Variants in DYNC2H1 observed in about 807,000 individuals in gnomAD.
DYNC2H1 encodes dynein cytoplasmic 2 heavy chain 1.
DYNC2H1 carries 410 observed loss-of-function variants against 570.0 expected under a neutral mutation model. The ratio of observed to expected loss-of-function variants is 0.72; its 90% CI spans 0.66 to 0.78. DYNC2H1 has a LOEUF of 0.78. Among genes scored for constraint, DYNC2H1 ranks in the 30% least tolerant of loss-of-function variants. The pLI is 0.00. For missense variants in DYNC2H1, 4,865 were observed against 5,046.4 expected (o/e 0.96, Z 1.09); for synonymous variants, 1,688 against 1,677.6 (o/e 1.01, Z -0.15).
At chr11:103,303,999 T>C (rs114389102) in intron 76 of DYNC2H1, among the ~76,000 whole-genome samples, 2,047 of 152,202 alleles carry the variant, frequency 0.013, 43 homozygotes, top group African/African-American at 0.043. Context: ...ATTTTTTTTT[T>C]CCCTGAGGTA....
chr11:103,203,598 A>T lies in DYNC2H1; in HGVS notation c.8198-65A>T. The T allele has an allele frequency of 9.5e-7, 1 of 1,057,012 alleles. No homozygotes were observed. The highest frequency in any genetic ancestry group is 1.3e-6 in the Non-Finnish European group (1 of 741,234). The allele number at this position is 1,057,012 out of a possible 1,614,324, so 65.5% of individuals were successfully genotyped here. On this transcript the variant is annotated intron_variant, in intron 50 of 88. Transcript: ENST00000375735. The surrounding 1 kb of genome is among the most constrained non-coding windows in gnomAD (Gnocchi z 4.7). ...AAGATTGAATAAGAGCAGATTTTTAAATACAAAAATTGAAAAAGCATCATT... is the reference window on the plus strand; with the variant it reads ...AAGATTGAATAAGAGCAGATTTTTATATACAAAAATTGAAAAAGCATCATT...
At chr11:103,361,547 T>C (rs139240250) in intron 83 of DYNC2H1, among the ~76,000 whole-genome samples, 1 of 152,032 alleles carries the variant, frequency 6.6e-6, no homozygotes, top group Non-Finnish European at 1.5e-5. Flanking sequence ...ATAGGTAGAG[T>C]GGGTATGATC....
intron 83 of DYNC2H1, among the ~76,000 whole-genome samples, chr11:103,392,581 C>G (rs1181850963): frequency 6.6e-6 from 1 of 152,208 alleles, no homozygotes; most frequent in African/African-American, 2.4e-5. Context: ...GTCGCTCACG[C>G]TGGGAGCTTT....
intron 84 of DYNC2H1, among the ~76,000 whole-genome samples, chr11:103,426,125 G>A (rs1356238598): frequency 6.6e-6 from 1 of 152,140 alleles, no homozygotes; most frequent in Non-Finnish European, 1.5e-5. Flanking sequence ...TTAAAGACAT[G>A]TTCCTGCTGC....
rs1054713454 is a variant in DYNC2H1 at position 103,455,997 on chromosome 11, G to A, written c.12567-278G>A. On this transcript the variant is annotated intron_variant, in intron 86 of 88. Coordinates refer to ENST00000375735, the MANE Select transcript of DYNC2H1 (RefSeq NM_001377.3). ...AATAAACATTTATTGAACACCCATCGTGTGCCTGCATTTGAGGGTCATGGT... is the reference window on the plus strand; with the variant it reads ...AATAAACATTTATTGAACACCCATCATGTGCCTGCATTTGAGGGTCATGGT... Among the ~76,000 whole-genome samples the A allele has an allele frequency of 7.2e-5, 11 of 152,052 alleles. 1 individual carries two copies. Among genetic ancestry groups the A allele is most frequent in the South Asian group, 2.1e-4 (1 of 4,818 alleles).
intron 84 of DYNC2H1, among the ~76,000 whole-genome samples, chr11:103,417,304 T>C (rs1204555454): frequency 2.0e-5 from 3 of 151,960 alleles, no homozygotes; most frequent in African/African-American, 7.2e-5. Flanking sequence ...GGTTTCACCA[T>C]GTTGGTCAGG....
In DYNC2H1 at chr11:103,181,471, T is replaced by C. The variant is rs17302099; in HGVS notation, c.6348-286T>C. The stretch of plus-strand genomic sequence containing the variant: ...AGATATATAATTCTCGTTTAGTTTA[T>C]ATTTATAATAAAATAGATGAAATGT... On this transcript the variant is annotated intron_variant, in intron 39 of 88. Transcript: ENST00000375735. The surrounding 1 kb of genome is among the most constrained non-coding windows in gnomAD (Gnocchi z 5.0). 6.6e-6 allele frequency among the ~76,000 whole-genome samples: 1 copy of C among 151,476 alleles called. No homozygotes were observed. Among genetic ancestry groups the C allele is most frequent in the Non-Finnish European group, 1.5e-5 (1 of 67,602 alleles).
intron 84 of DYNC2H1, among the ~76,000 whole-genome samples, chr11:103,426,200 T>G (rs1240317183): frequency 6.6e-6 from 1 of 152,206 alleles, no homozygotes; most frequent in Non-Finnish European, 1.5e-5. Context: ...AAGGAATACT[T>G]TTAGTTAATC....
At chr11:103,221,940 T>C (rs1404510615) in intron 57 of DYNC2H1, 90 bp from the exon 58 acceptor site, 1 of 1,318,934 alleles carries the variant, frequency 7.6e-7, no homozygotes, top group Non-Finnish European at 1.1e-6. Flanking sequence ...GGATTAAAAG[T>C]ATTGCATACA....
At chr11:103,143,590 C>A (rs370898475) in intron 18 of DYNC2H1, among the ~76,000 whole-genome samples, 195 bp downstream of exon 18, 2 of 152,008 alleles carry the variant, frequency 1.3e-5, no homozygotes, top group African/African-American at 2.4e-5. Flanking sequence ...GCTCTGCTGG[C>A]GGAGACCTAT....
chr11:103,188,774 A>G, intron 44 of DYNC2H1, 126 bp downstream of exon 44: 1 of 792,456 alleles, frequency 1.3e-6, no homozygotes, highest in Non-Finnish European at 1.7e-6. Context: ...TTAACCTCTG[A>G]TATTTTTTCC....
intron 75 of DYNC2H1, among the ~76,000 whole-genome samples, chr11:103,296,173 C>T (rs985047108): frequency 1.3e-5 from 2 of 152,148 alleles, no homozygotes; most frequent in Non-Finnish European, 2.9e-5. Context: ...GCTGTGATCA[C>T]TCACTAGATT....
In DYNC2H1 at chr11:103,125,285, T is replaced by C. The variant is rs374682853; in HGVS notation, c.1847T>C (p.Ile616Thr). Residue 616 changes from isoleucine (I) to threonine (T), a missense_variant, in exon 12 of 89, where the codon ATT becomes ACT. Coordinates refer to ENST00000375735, the MANE Select transcript of DYNC2H1 (RefSeq NM_001377.3). ...IAQKFCKQAI[I>T]LKQVAHFYNS... ...CAGAAATTCTGCAAGCAAGCAATTA[T>C]TCTTAAACAAGTATGAAATTACATT... 1.2e-6 allele frequency: 2 copies of C among 1,602,260 alleles called. No individual in the cohort carries two copies. Among genetic ancestry groups the C allele is most frequent in the Non-Finnish European group, 1.7e-6 (2 of 1,173,358 alleles).
At chr11:103,193,003 C>T (rs947946008) in intron 47 of DYNC2H1, among the ~76,000 whole-genome samples, 2 of 152,152 alleles carry the variant, frequency 1.3e-5, no homozygotes, top group East Asian at 3.9e-4. Flanking sequence ...ACCACAATTA[C>T]TTCTGCACCA....
chr11:103,215,735 A>G lies in DYNC2H1; in HGVS notation c.8709A>G (p.Lys2903=). ...TATTGATGTAGGCTGGTGTATCTAA[A>G]CTAAATGAAGCTAAAGCTCTTGTGG... ...RQSHLQAGVS[K]LNEAKALVDE... is the part of the protein sequence containing the mutation. The change falls in exon 55 of 89, where the codon AAA becomes AAG. Residue 2903 remains lysine, a synonymous_variant. Transcript: ENST00000375735. 6.2e-7 allele frequency: 1 copy of G among 1,608,968 alleles called. No individual in the cohort carries two copies. The highest frequency in any genetic ancestry group is 1.1e-5 in the South Asian group (1 of 90,124).
chr11:103,228,973 G>A lies in DYNC2H1; in HGVS notation c.9354-2287G>A, dbSNP rs150357172. On this transcript the variant is annotated intron_variant, in intron 59 of 88. Coordinates refer to ENST00000375735, the MANE Select transcript of DYNC2H1 (RefSeq NM_001377.3). The surrounding 1 kb of genome is among the most constrained non-coding windows in gnomAD (Gnocchi z 6.1). ...GTAATTATATTCCCAGGGGGATTAT[G>A]GCTACCTCTGCTGAGTCATGCAGGT... Among the ~76,000 whole-genome samples the A allele has an allele frequency of 1.1e-4, 16 of 152,178 alleles. No homozygotes were observed. The highest frequency in any genetic ancestry group is 3.9e-4 in the African/African-American group (16 of 41,524).
At position 103,270,056 on chromosome 11, in the gene DYNC2H1, G is replaced by A. The variant is rs1865642079; in HGVS notation, c.10695+10079G>A. ...GAAAATACAAAAATTAGCTGGGCATGGTGGGGTGTGCCTGTAATCCCACCT... is the reference window on the plus strand; with the variant it reads ...GAAAATACAAAAATTAGCTGGGCATAGTGGGGTGTGCCTGTAATCCCACCT... On this transcript the variant is annotated intron_variant, in intron 70 of 88. Coordinates refer to ENST00000375735, the MANE Select transcript of DYNC2H1 (RefSeq NM_001377.3). 2.0e-5 allele frequency among the ~76,000 whole-genome samples: 3 copies of A among 151,932 alleles called. 1 individual carries two copies. In the South Asian group the frequency reaches 6.2e-4, roughly 32 times the overall value.
chr11:103,413,682 C>G (rs1011674829), intron 84 of DYNC2H1, among the ~76,000 whole-genome samples: 1 of 152,148 alleles, frequency 6.6e-6, no homozygotes, highest in Non-Finnish European at 1.5e-5. Context: ...AAAGGCCTAT[C>G]AAATACTGGG....
chr11:103,280,420 CAAATT>C lies in DYNC2H1; in HGVS notation c.10761+11_10761+15del. 6.4e-7 allele frequency: 1 copy of C among 1,551,474 alleles called. No homozygotes were observed. Among genetic ancestry groups the C allele is most frequent in the Non-Finnish European group, 8.7e-7 (1 of 1,146,546 alleles). On this transcript the variant is annotated splice_region_variant and intron_variant, in intron 71 of 88. Transcript: ENST00000375735. The surrounding 1 kb of genome is among the most constrained non-coding windows in gnomAD (Gnocchi z 4.7). ...TGAACTTTTTCAAGAAAATGTAAGTCAAATTAAAGGAGAGAAATTTTACAGTAACA... is the reference window on the plus strand; with the variant it reads ...TGAACTTTTTCAAGAAAATGTAAGTCAAAGGAGAGAAATTTTACAGTAACA...
Sources: allele counts gnomAD v4.1 joint callset (sites outside exome capture counted in the v4.1 genomes callset), GRCh38; gene constraint gnomAD v4.1.1; non-coding constraint Gnocchi (gnomAD v3.1); transcripts MANE v1.5; gene names NCBI Gene and HGNC (gene_info 2026-07-23, HGNC 2026-07-21).